The following ENAH variants were observed in gnomAD, a reference collection of about 807,000 sequenced individuals.
The protein encoded by ENAH is ENAH actin regulator, also known as protein enabled homolog.
A neutral mutation model predicts 78.7 loss-of-function variants in ENAH; 23 were observed. That is an observed-to-expected ratio of 0.29 (90% CI 0.21 to 0.41). ENAH has a LOEUF of 0.41. ENAH is among the 10% of genes least tolerant of loss of function. The pLI, the probability that ENAH is intolerant of heterozygous loss-of-function variation, is 1.00. For synonymous variants in ENAH, 226 were observed against 241.0 expected (o/e 0.94, Z 0.58); for missense variants, 544 against 691.0 (o/e 0.79, Z 2.39).
intron 4 of ENAH, among the ~76,000 whole-genome samples, chr1:225,526,059 T>C (rs2096501775): frequency 6.6e-6 from 1 of 152,112 alleles, no homozygotes. Context: ...ATGACACAGA[T>C]GGCCCTTCCC....
intron 3 of ENAH, among the ~76,000 whole-genome samples, chr1:225,542,563 G>A: frequency 6.6e-6 from 1 of 152,184 alleles, no homozygotes; most frequent in Non-Finnish European, 1.5e-5. Flanking sequence ...TTACCAAGAA[G>A]CAACCTCTAT....
intron 4 of ENAH, among the ~76,000 whole-genome samples, chr1:225,520,421 T>C (rs2096458104): frequency 6.6e-6 from 1 of 152,210 alleles, no homozygotes; most frequent in Non-Finnish European, 1.5e-5. Context: ...CACATCTATA[T>C]ATACACATAC....
intron 1 of ENAH, among the ~76,000 whole-genome samples, chr1:225,591,494 T>C (rs1260932219): frequency 3.7e-5 from 5 of 135,064 alleles, no homozygotes; most frequent in Non-Finnish European, 7.8e-5. Flanking sequence ...CAGTCGGGTG[T>C]GGTGGCTCAT....
chr1:225,564,926 T>TATATGTAATATAGA (rs567109160), intron 2 of ENAH, among the ~76,000 whole-genome samples: 78 of 152,236 alleles, frequency 5.1e-4, no homozygotes, highest in African/African-American at 1.8e-3. Flanking sequence ...TACAGGTTTC[T>TATATGTAATATAGA]ATATGTAATA....
intron 1 of ENAH, among the ~76,000 whole-genome samples, chr1:225,608,979 C>T (rs1265826805): frequency 6.6e-6 from 1 of 151,954 alleles, no homozygotes; most frequent in African/African-American, 2.4e-5. Flanking sequence ...AGTTATCTAT[C>T]AAGAGTAGGC....
rs1417503542 is a variant in ENAH, at chr1:225,489,635, G to GA, written c.*8139dup. 1 of 152,192 alleles carries GA rather than the reference G, an allele frequency of 6.6e-6. No homozygotes were observed. The highest frequency in any genetic ancestry group is 1.9e-4 in the East Asian group (1 of 5,200). The allele number at this position is 152,192 out of a possible 1,614,324, so 9.4% of individuals were successfully genotyped here. A position where few individuals can be genotyped will look rare whatever the true frequency, so the allele number is the denominator to read the frequency against. On this transcript the variant is annotated 3_prime_UTR_variant, in exon 14 of 14. Coordinates refer to ENST00000366843, the MANE Select transcript of ENAH (RefSeq NM_018212.6). ...AACCAGTAGCTGCCGAGAATACAGT[G>GA]AAAGAGGAAATTCAGAACTCAACTT...
intron 4 of ENAH, among the ~76,000 whole-genome samples, chr1:225,526,257 CTTTG>C (rs1005558697): frequency 6.6e-6 from 1 of 152,016 alleles, no homozygotes; most frequent in African/African-American, 2.4e-5. Context: ...TATGCCACCT[CTTTG>C]TTTTAGGACT....
rs540402145 is a variant in ENAH, at chr1:225,629,743, C to T, written c.5+22943G>A. On this transcript the variant is annotated intron_variant, in intron 1 of 13. Transcript: ENST00000366843. ...TTCATCAATTGGAAGTTAATGACTC[C>T]TTGCAATGTTTTTCTCCCTTTTTAC... Among the ~76,000 whole-genome samples, 9 of 152,258 alleles carry T rather than the reference C, an allele frequency of 5.9e-5. No homozygotes were observed. In the South Asian group the frequency reaches 1.7e-3, roughly 28 times the overall value.
intron 1 of ENAH, among the ~76,000 whole-genome samples, chr1:225,620,676 G>A (rs903153634): frequency 6.6e-6 from 1 of 151,972 alleles, no homozygotes; most frequent in Non-Finnish European, 1.5e-5. Flanking sequence ...TTTTCTGAAG[G>A]TATGTTCACT....
At chr1:225,609,784 C>T (rs893106555) in intron 1 of ENAH, among the ~76,000 whole-genome samples, 3 of 150,736 alleles carry the variant, frequency 2.0e-5, no homozygotes, top group African/African-American at 7.3e-5. Flanking sequence ...CATGCCCAGC[C>T]TCCTGAGTAT....
chr1:225,591,506 C>A (rs1292557968), intron 1 of ENAH, among the ~76,000 whole-genome samples: 3 of 149,090 alleles, frequency 2.0e-5, no homozygotes, highest in Non-Finnish European at 4.4e-5. Flanking sequence ...GTGGCTCATG[C>A]CCGGAATCCC....
intron 5 of ENAH, 90 bp downstream of exon 5, chr1:225,519,108 T>C: frequency 6.6e-7 from 1 of 1,524,838 alleles, no homozygotes; most frequent in Non-Finnish European, 8.8e-7. Context: ...CCCAAACATC[T>C]CAAATGTGAA....
intron 4 of ENAH, among the ~76,000 whole-genome samples, chr1:225,520,915 AG>A (rs2096462043): frequency 2.2e-5 from 2 of 89,444 alleles, no homozygotes; most frequent in Admixed American, 1.5e-4. Flanking sequence ...AAGGGAAGGA[AG>A]GGAGGAAGGG....
At chr1:225,566,484 G>T in intron 2 of ENAH, among the ~76,000 whole-genome samples, 1 of 152,110 alleles carries the variant, frequency 6.6e-6, no homozygotes, top group East Asian at 1.9e-4. Context: ...CAATGAAGAA[G>T]AAAATTTGTT....
intron 1 of ENAH, among the ~76,000 whole-genome samples, chr1:225,627,958 G>C (rs896609738): frequency 2.0e-5 from 3 of 152,120 alleles, no homozygotes; most frequent in African/African-American, 7.2e-5. Flanking sequence ...ATAATTAAGG[G>C]GGCTGAAAAG....
At chr1:225,506,246 A>G (rs181751351) in intron 11 of ENAH, among the ~76,000 whole-genome samples, 3 of 152,286 alleles carry the variant, frequency 2.0e-5, no homozygotes, top group Admixed American at 6.5e-5. Flanking sequence ...GGAGTGCAAT[A>G]GCGCGATATC....
At chr1:225,613,939 T>C (rs1399740749) in intron 1 of ENAH, among the ~76,000 whole-genome samples, 1 of 152,230 alleles carries the variant, frequency 6.6e-6, no homozygotes, top group Non-Finnish European at 1.5e-5. Flanking sequence ...TTGTGACCTG[T>C]GCTTCTGGCC....
At chr1:225,513,266 G>T (rs2096390742) in intron 7 of ENAH, among the ~76,000 whole-genome samples, 1 of 152,122 alleles carries the variant, frequency 6.6e-6, no homozygotes, top group South Asian at 2.1e-4. Context: ...CATGAAAAGG[G>T]CATGACTTTG....
chr1:225,514,552 G>A, intron 7 of ENAH, 44 bp downstream of exon 7: 1 of 1,310,718 alleles, frequency 7.6e-7, no homozygotes, highest in Non-Finnish European at 1.1e-6. Flanking sequence ...AGATATTTAG[G>A]AAGAATAAGA....
Sources: allele counts gnomAD v4.1 joint callset (sites outside exome capture counted in the v4.1 genomes callset), GRCh38; gene constraint gnomAD v4.1.1; transcripts MANE v1.5; gene names NCBI Gene and HGNC (gene_info 2026-07-23, HGNC 2026-07-21).